The following SOX6 variants were observed in gnomAD, a reference collection of about 807,000 sequenced individuals.
SOX6 encodes the protein SRY-box transcription factor 6.
SOX6 carries 11 observed loss-of-function variants against 97.8 expected under a neutral mutation model. The observed-to-expected ratio is 0.11, with a 90% CI of 0.07 to 0.19. The LOEUF (loss-of-function observed/expected upper bound fraction) is 0.19, where lower values mean the gene tolerates loss of function less well. Ranked by LOEUF, SOX6 falls within the 10% of genes least tolerant of loss-of-function variation. The probability of loss-of-function intolerance (pLI) is 1.00; values close to 1 mark genes in which losing one functional copy is unlikely to be tolerated. For synonymous variants in SOX6, 360 were observed against 371.4 expected, an observed-to-expected ratio of 0.97 and a Z score of 0.35; for missense variants, 810 against 1,039.5, an observed-to-expected ratio of 0.78 and a Z score of 3.04.
At chr11:16,281,538 G>C (rs1854564904) in intron 3 of SOX6, among the ~76,000 whole-genome samples, 1 of 151,922 alleles carries the variant, frequency 6.6e-6, no homozygotes, top group Non-Finnish European at 1.5e-5. Flanking sequence ...CAGGAATAGT[G>C]GAAGTGATTG....
intron 3 of SOX6, among the ~76,000 whole-genome samples, chr11:16,621,402 T>G (rs1848543777): frequency 6.6e-6 from 1 of 152,170 alleles, no homozygotes; most frequent in Non-Finnish European, 1.5e-5. Context: ...TTTACAACCA[T>G]TCCAAGTCAT....
intron 9 of SOX6, among the ~76,000 whole-genome samples, chr11:16,093,962 G>A (rs574287989): frequency 2.0e-5 from 3 of 151,868 alleles, no homozygotes; most frequent in African/African-American, 7.2e-5. Flanking sequence ...TTTTAAACAA[G>A]GTCGATCTTT....
chr11:16,114,695 T>C lies in SOX6; in HGVS notation c.778-2772A>G, dbSNP rs376699365. On this transcript the variant is annotated intron_variant, in intron 6 of 15. Coordinates refer to ENST00000683767, the MANE Select transcript of SOX6 (RefSeq NM_001367873.1). The stretch of plus-strand genomic sequence containing the variant: ...AGACAACATGCCTCACAGAGCATTA[T>C]CCCATCCCAAGTATCTAGAAAACCA... 1.9e-4 allele frequency among the ~76,000 whole-genome samples: 29 copies of C among 152,280 alleles called. No individual in the cohort carries two copies. In the East Asian group the frequency reaches 2.7e-3, roughly 14 times the overall value.
At chr11:16,603,365 C>T (rs1307110483) in intron 4 of SOX6, among the ~76,000 whole-genome samples, 2 of 152,160 alleles carry the variant, frequency 1.3e-5, no homozygotes, top group Non-Finnish European at 1.5e-5. Context: ...ACTTACTGCT[C>T]CTAAGAACCC....
intron 5 of SOX6, among the ~76,000 whole-genome samples, chr11:16,186,514 T>A (rs1161466879): frequency 6.6e-6 from 1 of 152,114 alleles, no homozygotes; most frequent in East Asian, 1.9e-4. Flanking sequence ...TGAATAAGCA[T>A]CCCCAAATCA....
At chr11:16,240,363 T>C (rs1362703091) in intron 3 of SOX6, among the ~76,000 whole-genome samples, 1 of 149,770 alleles carries the variant, frequency 6.7e-6, no homozygotes. Context: ...AGATGCAAGA[T>C]TTTGGAATGC....
intron 10 of SOX6, among the ~76,000 whole-genome samples, chr11:16,054,707 G>T (rs956423625): frequency 6.6e-6 from 1 of 152,046 alleles, no homozygotes; most frequent in Non-Finnish European, 1.5e-5. Flanking sequence ...TTTAATAATT[G>T]CAAAATTTCT....
chr11:16,457,748 G>A (rs1490033567), intron 1 of SOX6, among the ~76,000 whole-genome samples: 3 of 151,806 alleles, frequency 2.0e-5, no homozygotes, highest in African/African-American at 4.8e-5. Flanking sequence ...CATCCCCACC[G>A]CTTTCTTCCA....
chr11:16,063,675 G>C (rs1158778397), intron 9 of SOX6, among the ~76,000 whole-genome samples: 1 of 148,268 alleles, frequency 6.7e-6, no homozygotes, highest in East Asian at 2.0e-4. Flanking sequence ...CAGTCATCTA[G>C]TTTTCCAATA....
At chr11:16,677,887 A>T (rs1847897006) in intron 3 of SOX6, among the ~76,000 whole-genome samples, 1 of 152,224 alleles carries the variant, frequency 6.6e-6, no homozygotes, top group African/African-American at 2.4e-5. Context: ...ATGAATATAT[A>T]GATACTAAGG....
intron 9 of SOX6, among the ~76,000 whole-genome samples, chr11:16,090,160 C>T (rs1451629178): frequency 6.6e-6 from 1 of 152,016 alleles, no homozygotes; most frequent in Non-Finnish European, 1.5e-5. Flanking sequence ...CTGGAAGCTG[C>T]CTATTGAGTG....
At chr11:16,460,796 C>A (rs1289515626) in intron 1 of SOX6, among the ~76,000 whole-genome samples, 1 of 152,096 alleles carries the variant, frequency 6.6e-6, no homozygotes, top group Non-Finnish European at 1.5e-5. Flanking sequence ...GTACTAATCC[C>A]TATGTGAGAG....
chr11:16,461,238 A>T (rs1859919751), intron 1 of SOX6, among the ~76,000 whole-genome samples: 1 of 152,084 alleles, frequency 6.6e-6, no homozygotes. Context: ...TACCAGTCTT[A>T]TTCATCGCTT....
chr11:16,306,080 A>G (rs888479833), intron 3 of SOX6, among the ~76,000 whole-genome samples: 1 of 152,154 alleles, frequency 6.6e-6, no homozygotes, highest in African/African-American at 2.4e-5. Flanking sequence ...ATAGAACTTA[A>G]TACACACCCC....
chr11:16,259,301 A>G (rs1565053670), intron 3 of SOX6, among the ~76,000 whole-genome samples: 1 of 152,060 alleles, frequency 6.6e-6, no homozygotes, highest in Non-Finnish European at 1.5e-5. Context: ...AAATAAATAG[A>G]TGGACATATT....
At chr11:16,406,530 T>C (rs1477129104) in intron 1 of SOX6, among the ~76,000 whole-genome samples, 2 of 152,084 alleles carry the variant, frequency 1.3e-5, no homozygotes, top group African/African-American at 4.8e-5. Flanking sequence ...TGTTCTTCTA[T>C]AGTGACAGAA....
In SOX6 at chr11:16,056,038, T is replaced by G. The variant is rs937797119; in HGVS notation, c.1102-137A>C. ...TTTCACTATTTTTAAAAAAGGAAGC[T>G]AAGAGAAGGCAAATAATAAAACAGA... On this transcript the variant is annotated intron_variant, in intron 9 of 15. Transcript: ENST00000683767. 5.0e-6 allele frequency: 5 copies of G among 997,442 alleles called. No homozygotes were observed. The Admixed American group carries it at 6.9e-5, about 14-fold the overall frequency. The allele number at this position is 997,442 out of a possible 1,614,324, so 61.8% of individuals were successfully genotyped here.
intron 3 of SOX6, among the ~76,000 whole-genome samples, chr11:16,304,902 C>T (rs967395324): frequency 1.3e-5 from 2 of 151,930 alleles, no homozygotes; most frequent in Non-Finnish European, 2.9e-5. Context: ...AAACCTCACA[C>T]CTTATACAAA....
chr11:16,650,934 A>G (rs1198507815), intron 3 of SOX6, among the ~76,000 whole-genome samples: 3 of 152,162 alleles, frequency 2.0e-5, no homozygotes, highest in Non-Finnish European at 4.4e-5. Context: ...TAGAAATGAA[A>G]CAAGAGATAT....
Sources: gnomAD v4.1 joint callset for allele counts (sites outside exome capture counted in the v4.1 genomes callset) on GRCh38, gnomAD v4.1.1 for gene constraint, MANE v1.5 for transcripts, NCBI Gene and HGNC (gene_info 2026-07-23, HGNC 2026-07-21) for gene names.